Variants in TULP4 observed in about 807,000 individuals in gnomAD.
TULP4 encodes the protein TUB like protein 4, also known as tubby-related protein 4.
Under a neutral mutation model 129.0 loss-of-function variants are expected in TULP4, and 16 were observed. The ratio of observed to expected loss-of-function variants is 0.12; its 90% confidence interval spans 0.08 to 0.19. TULP4 has a LOEUF of 0.19. TULP4 is among the 10% of genes least tolerant of loss of function. The pLI is 1.00. For synonymous variants in TULP4, 998 were observed against 854.0 expected (o/e 1.17, Z -2.94); for missense variants, 1,842 against 2,059.1 (o/e 0.89, Z 2.04).
chr6:158,241,856 G>T (rs1484342478), intron 1 of TULP4: 2 of 659,158 alleles, frequency 3.0e-6, no homozygotes, highest in Non-Finnish European at 5.8e-6. Context: ...GCCTCCCAAA[G>T]TGCTGGGATT....
At chr6:158,232,910 C>T (rs1053199934) in intron 1 of TULP4, among the ~76,000 whole-genome samples, 2 of 152,240 alleles carry the variant, frequency 1.3e-5, no homozygotes, top group African/African-American at 4.8e-5. Context: ...AATCCCGGCG[C>T]TTCTGCTGTC....
chr6:158,362,428 T>C (rs1780814720), intron 1 of TULP4, among the ~76,000 whole-genome samples: 1 of 152,112 alleles, frequency 6.6e-6, no homozygotes, highest in Non-Finnish European at 1.5e-5. Context: ...TAGTTCACTG[T>C]AAGCTTGACC....
chr6:158,388,287 T>C (rs1777495283), intron 1 of TULP4, among the ~76,000 whole-genome samples: 1 of 150,454 alleles, frequency 6.6e-6, no homozygotes, highest in East Asian at 2.0e-4. Context: ...TGAACTTACA[T>C]ACATTGTTTA....
At chr6:158,233,150 C>T (rs554986540) in intron 1 of TULP4, among the ~76,000 whole-genome samples, 1 of 152,296 alleles carries the variant, frequency 6.6e-6, no homozygotes, top group South Asian at 2.1e-4. Context: ...TGACACAGCC[C>T]TCTCCGAGGT....
intron 1 of TULP4, among the ~76,000 whole-genome samples, chr6:158,368,196 T>G (rs989268658): frequency 1.3e-5 from 2 of 152,174 alleles, no homozygotes; most frequent in African/African-American, 4.8e-5. Flanking sequence ...AGATTATCAT[T>G]ATCTGAAGAG....
In TULP4 at chr6:158,507,436, C is replaced by T; in HGVS notation, c.*742C>T. On this transcript the variant is annotated 3_prime_UTR_variant, in exon 14 of 14. Coordinates refer to ENST00000367097, the MANE Select transcript of TULP4 (RefSeq NM_020245.5). The stretch of plus-strand genomic sequence containing the variant: ...TTGTAGCAGCAGTACGAGGGCTACA[C>T]TCCTCTGCTGAGGATGTCTACATTG... 1 of 152,302 alleles carries T rather than the reference C, an allele frequency of 6.6e-6. No individual in the cohort carries two copies. Among genetic ancestry groups the T allele is most frequent in the South Asian group, 2.1e-4 (1 of 4,836 alleles). 9.4% of individuals were successfully genotyped at this position (152,302 alleles called of 1,614,324 possible).
intron 1 of TULP4, among the ~76,000 whole-genome samples, chr6:158,337,551 A>C (rs935432331): frequency 6.6e-6 from 1 of 152,224 alleles, no homozygotes; most frequent in African/African-American, 2.4e-5. Flanking sequence ...TTCTGCCATC[A>C]GTGTCACTAA....
At chr6:158,333,197 TG>T (rs1308630591) in intron 1 of TULP4, among the ~76,000 whole-genome samples, 1 of 152,226 alleles carries the variant, frequency 6.6e-6, no homozygotes, top group Non-Finnish European at 1.5e-5. Context: ...ATTCATATGT[TG>T]AAGCCCTAAC....
intron 1 of TULP4, among the ~76,000 whole-genome samples, chr6:158,343,795 T>C (rs921055876): frequency 4.6e-5 from 7 of 152,198 alleles, no homozygotes; most frequent in African/African-American, 1.7e-4. Context: ...TTTTAAAAAA[T>C]CTATTGGGAC....
intron 1 of TULP4, among the ~76,000 whole-genome samples, chr6:158,336,791 T>A (rs866566513): frequency 3.9e-5 from 6 of 152,222 alleles, no homozygotes; most frequent in Admixed American, 1.3e-4. Flanking sequence ...GTCATTTTTT[T>A]AAAACTTTGA....
chr6:158,494,639 C>T, intron 10 of TULP4, 114 bp from the exon 11 acceptor site: 1 of 941,068 alleles, frequency 1.1e-6, no homozygotes, highest in Non-Finnish European at 1.6e-6. Context: ...ATGGGTGTTT[C>T]TTGCAGTGCA....
At chr6:158,263,813 A>C (rs954320312) in intron 1 of TULP4, among the ~76,000 whole-genome samples, 3 of 152,090 alleles carry the variant, frequency 2.0e-5, no homozygotes, top group African/African-American at 7.2e-5. Context: ...CTGTAATCAC[A>C]GCACTTTGGG....
At chr6:158,384,913 C>A (rs1266876834) in intron 1 of TULP4, among the ~76,000 whole-genome samples, 1 of 152,166 alleles carries the variant, frequency 6.6e-6, no homozygotes, top group East Asian at 1.9e-4. Context: ...ACTGCAAAAT[C>A]AAATGATCTG....
intron 9 of TULP4, among the ~76,000 whole-genome samples, chr6:158,491,424 T>TTGAGGAGTCTCG (rs1780198542): frequency 8.5e-6 from 1 of 118,094 alleles, no homozygotes; most frequent in Admixed American, 9.4e-5. Flanking sequence ...TTTCTTTCTT[T>TTGAGGAGTCTCG]CTTTCTTTCT....
At chr6:158,320,553 T>A (rs560196943) in intron 1 of TULP4, among the ~76,000 whole-genome samples, 2 of 151,952 alleles carry the variant, frequency 1.3e-5, no homozygotes, top group South Asian at 4.2e-4. Context: ...TGCCTCAGCC[T>A]CCTGAGTAGC....
At chr6:158,500,983 GCAGGAGAATCACTTGAACC>G (rs1411494016) in intron 12 of TULP4, among the ~76,000 whole-genome samples, 1 of 152,010 alleles carries the variant, frequency 6.6e-6, no homozygotes, top group Non-Finnish European at 1.5e-5. Flanking sequence ...TCACTTGAAC[GCAGGAGAATCACTTGAACC>G]CAGGAGGTGG....
chr6:158,262,260 A>T (rs1168731002), intron 1 of TULP4, among the ~76,000 whole-genome samples: 1 of 152,178 alleles, frequency 6.6e-6, no homozygotes, highest in Non-Finnish European at 1.5e-5. Context: ...GTTTCTCTGC[A>T]AGCTCCTTTG....
In TULP4 at chr6:158,313,653, C is replaced by A; in HGVS notation, c.-364C>A. The A allele has an allele frequency of 2.3e-6, 1 of 441,516 alleles. No individual in the cohort carries two copies. The highest frequency in any genetic ancestry group is 4.0e-6 in the Non-Finnish European group (1 of 252,344). The allele number at this position is 441,516 out of a possible 1,614,324, so 27.3% of individuals were successfully genotyped here. ...GGAATCTCAGGCTGAATGAGAATAA[C>A]CAAGTGGAGTAAAAAGAAGAAAACC... On this transcript the variant is annotated 5_prime_UTR_variant, in exon 1 of 14. Coordinates refer to ENST00000367097, the MANE Select transcript of TULP4 (RefSeq NM_020245.5).
At chr6:158,238,379 G>C in intron 1 of TULP4, 1 of 675,906 alleles carries the variant, frequency 1.5e-6, no homozygotes, top group Admixed American at 2.2e-5. Context: ...TGTTCGGCCT[G>C]GTTTGTGTAC....
Sources: allele counts gnomAD v4.1 joint callset (sites outside exome capture counted in the v4.1 genomes callset), GRCh38; gene constraint gnomAD v4.1.1; transcripts MANE v1.5; gene names NCBI Gene and HGNC (gene_info 2026-07-23, HGNC 2026-07-21).